The following LRMDA variants were observed in gnomAD, a reference collection of about 807,000 sequenced individuals.
The protein encoded by LRMDA is leucine-rich melanocyte differentiation-associated protein.
A neutral mutation model predicts 29.8 loss-of-function variants in LRMDA; 18 were observed. That is an observed-to-expected ratio of 0.60 (90% CI 0.42 to 0.90). LRMDA has a LOEUF of 0.90. Ranked by LOEUF, LRMDA falls within the 40% of genes least tolerant of loss-of-function variation. LRMDA has a pLI of 0.00. For synonymous variants in LRMDA, 125 were observed against 109.4 expected, an observed-to-expected ratio of 1.14 and a Z score of -0.89; for missense variants, 273 against 273.9, an observed-to-expected ratio of 1.00 and a Z score of 0.02.
At chr10:75,841,240 T>G (rs1006768683) in intron 2 of LRMDA, among the ~76,000 whole-genome samples, 1 of 152,240 alleles carries the variant, frequency 6.6e-6, no homozygotes, top group African/African-American at 2.4e-5. Context: ...AATCATCTCC[T>G]TCCATGGGCC....
At chr10:75,497,560 A>G (rs1845061578) in intron 2 of LRMDA, among the ~76,000 whole-genome samples, 1 of 151,684 alleles carries the variant, frequency 6.6e-6, no homozygotes, top group South Asian at 2.1e-4. Context: ...CAAAGTGTAG[A>G]TCCTGATTTC....
At chr10:75,823,136 G>A (rs930259578) in intron 2 of LRMDA, among the ~76,000 whole-genome samples, 9 of 152,148 alleles carry the variant, frequency 5.9e-5, no homozygotes, top group African/African-American at 1.9e-4. Flanking sequence ...AAACCAAAAA[G>A]CTTATGCACA....
At chr10:75,758,636 C>A (rs1234409232) in intron 2 of LRMDA, among the ~76,000 whole-genome samples, 4 of 152,192 alleles carry the variant, frequency 2.6e-5, no homozygotes, top group Admixed American at 2.6e-4. Context: ...TTAATTATTA[C>A]TTTTATTATC....
intron 2 of LRMDA, among the ~76,000 whole-genome samples, chr10:75,585,016 A>C (rs1840640049): frequency 6.6e-6 from 1 of 152,220 alleles, no homozygotes; most frequent in Admixed American, 6.5e-5. Context: ...AAAGTGCACA[A>C]ATCCGAAGTG....
At chr10:75,867,337 A>G (rs1428409384) in intron 2 of LRMDA, among the ~76,000 whole-genome samples, 1 of 151,914 alleles carries the variant, frequency 6.6e-6, no homozygotes, top group Non-Finnish European at 1.5e-5. Context: ...TAATTTTTGT[A>G]TTTTTAGTAG....
intron 2 of LRMDA, among the ~76,000 whole-genome samples, chr10:75,455,178 G>C (rs985132071): frequency 2.0e-5 from 3 of 152,102 alleles, no homozygotes; most frequent in Non-Finnish European, 2.9e-5. Flanking sequence ...CTAATCCTTT[G>C]ACTAAATGAG....
intron 2 of LRMDA, among the ~76,000 whole-genome samples, chr10:75,870,710 C>A (rs1466363156): frequency 6.6e-6 from 1 of 152,182 alleles, no homozygotes; most frequent in African/African-American, 2.4e-5. Flanking sequence ...CTGTCTCATC[C>A]TTTGTCTACT....
At chr10:75,655,161 C>CT (rs1415200804) in intron 2 of LRMDA, among the ~76,000 whole-genome samples, 1 of 152,166 alleles carries the variant, frequency 6.6e-6, no homozygotes, top group Admixed American at 6.5e-5. Context: ...CTGATAAATC[C>CT]TTTTTGTGGT....
At chr10:76,039,654 G>A (rs1564636451) in intron 3 of LRMDA, among the ~76,000 whole-genome samples, 1 of 152,264 alleles carries the variant, frequency 6.6e-6, no homozygotes, top group East Asian at 1.9e-4. Flanking sequence ...GGCTCTGAAG[G>A]CAGACTTCCT....
intron 6 of LRMDA, among the ~76,000 whole-genome samples, chr10:76,465,148 C>T (rs1265565539): frequency 6.6e-6 from 1 of 152,198 alleles, no homozygotes; most frequent in Non-Finnish European, 1.5e-5. Context: ...TACTATCACA[C>T]CACTTAGTTG....
Position 75,683,257 on chromosome 10 carries a change from C to G in LRMDA, c.131+244763C>G, listed in dbSNP as rs537716502. Among the ~76,000 whole-genome samples, 62 of 152,268 alleles carry G rather than the reference C, an allele frequency of 4.1e-4. 1 individual carries two copies. The highest frequency in any genetic ancestry group is 1.4e-3 in the African/African-American group (60 of 41,566). On this transcript the variant is annotated intron_variant, in intron 2 of 6. Coordinates refer to ENST00000611255, the MANE Select transcript of LRMDA (RefSeq NM_001305581.2). Reference sequence around the variant, plus strand: ...GCACTCACCAAATTTCCTAGGCTCTCATGGTAGGATAAATAGCTGCTCACA... The same window carrying G: ...GCACTCACCAAATTTCCTAGGCTCTGATGGTAGGATAAATAGCTGCTCACA...
At chr10:75,783,305 G>T (rs926813089) in intron 2 of LRMDA, among the ~76,000 whole-genome samples, 1 of 152,132 alleles carries the variant, frequency 6.6e-6, no homozygotes, top group Non-Finnish European at 1.5e-5. Flanking sequence ...GGCATGCATT[G>T]TTCTAACAAG....
Position 75,860,785 on chromosome 10 carries a change from G to T in LRMDA, c.132-175223G>T, listed in dbSNP as rs116380283. 7.7e-3 allele frequency among the ~76,000 whole-genome samples: 1,171 copies of T among 152,232 alleles called. 19 individuals are homozygous for T. Among genetic ancestry groups the T allele is most frequent in the African/African-American group, 0.027 (1,105 of 41,538 alleles). On this transcript the variant is annotated intron_variant, in intron 2 of 6. Coordinates refer to ENST00000611255, the MANE Select transcript of LRMDA (RefSeq NM_001305581.2). ...AGATACAGGTTCTAATTTTAATTCTGCCCTAAGTTCTGTGGCCACAGATTA... is the reference window on the plus strand; with the variant it reads ...AGATACAGGTTCTAATTTTAATTCTTCCCTAAGTTCTGTGGCCACAGATTA...
At chr10:76,301,817 A>G (rs538344763) in intron 5 of LRMDA, among the ~76,000 whole-genome samples, 1 of 152,242 alleles carries the variant, frequency 6.6e-6, no homozygotes, top group Non-Finnish European at 1.5e-5. Context: ...ACTGTTTAAT[A>G]AATACGATCG....
intron 5 of LRMDA, among the ~76,000 whole-genome samples, chr10:76,321,032 A>T (rs1334751553): frequency 6.6e-6 from 1 of 152,026 alleles, no homozygotes; most frequent in African/African-American, 2.4e-5. Context: ...TTTCTCTTAA[A>T]TACTAAATAT....
At chr10:75,927,151 G>A (rs952901182) in intron 2 of LRMDA, among the ~76,000 whole-genome samples, 2 of 152,202 alleles carry the variant, frequency 1.3e-5, no homozygotes, top group Non-Finnish European at 2.9e-5. Flanking sequence ...TCCAGCGATA[G>A]GGAATTCATT....
At chr10:75,675,984 AG>A in intron 2 of LRMDA, among the ~76,000 whole-genome samples, 1 of 152,208 alleles carries the variant, frequency 6.6e-6, no homozygotes, top group African/African-American at 2.4e-5. Context: ...CAGAGATGGA[AG>A]GTTTTAAGAT....
intron 6 of LRMDA, among the ~76,000 whole-genome samples, chr10:76,492,871 A>G (rs79449059): frequency 0.029 from 4,400 of 152,070 alleles, 149 homozygotes; most frequent in African/African-American, 0.074. Context: ...CCATGATTCA[A>G]TTCTTCAATC....
At chr10:76,411,639 A>G (rs1277294638) in intron 6 of LRMDA, among the ~76,000 whole-genome samples, 1 of 152,206 alleles carries the variant, frequency 6.6e-6, no homozygotes, top group Non-Finnish European at 1.5e-5. Context: ...GTGGGATCTC[A>G]AAGCACATTC....
Sources: allele counts gnomAD v4.1 joint callset (sites outside exome capture counted in the v4.1 genomes callset), GRCh38; gene constraint gnomAD v4.1.1; transcripts MANE v1.5; gene names NCBI Gene and HGNC (gene_info 2026-07-23, HGNC 2026-07-21).